LOC400499: variants seen among roughly 807,000 people sequenced by gnomAD.
chr16:11,379,815 TC>T, the LOC400499 span, among the ~76,000 whole-genome samples: 1 of 152,256 alleles, frequency 6.6e-6, no homozygotes, highest in Admixed American at 6.5e-5. Context: ...TTGTGTACGT[TC>T]TGTAGATATG....
At chr16:11,411,787 T>C in the LOC400499 span, among the ~76,000 whole-genome samples, 2 of 152,010 alleles carry the variant, frequency 1.3e-5, no homozygotes, top group East Asian at 3.9e-4. Flanking sequence ...GGGATCCTCC[T>C]CACATAGCAC....
chr16:11,398,619 G>A, the LOC400499 span: 7 of 850,360 alleles, frequency 8.2e-6, no homozygotes, highest in African/African-American at 1.7e-5. Context: ...GGAATGTGCC[G>A]TCAGAGCTCT....
the LOC400499 span, among the ~76,000 whole-genome samples, chr16:11,465,028 C>T: frequency 6.6e-6 from 1 of 152,220 alleles, no homozygotes; most frequent in Non-Finnish European, 1.5e-5. Context: ...TGCAGCAAGA[C>T]ATCCAGCTCC....
the LOC400499 span, among the ~76,000 whole-genome samples, chr16:11,432,936 G>A: frequency 0.031 from 4,737 of 152,278 alleles, 209 homozygotes; most frequent in African/African-American, 0.1. Flanking sequence ...ACTTTGAGCA[G>A]CTTCCCATTT....
At chr16:11,513,236 TCAA>T in the LOC400499 span, among the ~76,000 whole-genome samples, 88,945 of 150,618 alleles carry the variant, frequency 0.59, 26,697 homozygotes, top group Admixed American at 0.66. Flanking sequence ...AAACCCTGTC[TCAA>T]CAACAACAAC....
chr16:11,522,112 C>A, the LOC400499 span: 1 of 360,582 alleles, frequency 2.8e-6, no homozygotes, highest in Non-Finnish European at 4.6e-6. Context: ...CCCAGCTGAC[C>A]CTGAAGGGCA....
the LOC400499 span, chr16:11,399,304 G>A: frequency 2.3e-5 from 22 of 936,658 alleles, no homozygotes; most frequent in Non-Finnish European, 2.7e-5. Context: ...AGTTAGGAAG[G>A]GAACCATTTC....
At chr16:11,517,866 A>C in the LOC400499 span, among the ~76,000 whole-genome samples, 6 of 152,202 alleles carry the variant, frequency 3.9e-5, no homozygotes, top group African/African-American at 1.4e-4. Context: ...TCAAGATGAA[A>C]GGGAAACTGC....
chr16:11,512,681 G>C, the LOC400499 span, among the ~76,000 whole-genome samples: 97,944 of 152,156 alleles, frequency 0.64, 32,340 homozygotes, highest in Non-Finnish European at 0.72. Flanking sequence ...AACCACTGAA[G>C]TGTACACTTT....
the LOC400499 span, among the ~76,000 whole-genome samples, chr16:11,490,294 G>A: frequency 1.3e-5 from 2 of 151,596 alleles, no homozygotes; most frequent in Non-Finnish European, 2.9e-5. Context: ...TACTCAAGAG[G>A]CTGAGTCAGG....
At chr16:11,437,932 C>G in the LOC400499 span, among the ~76,000 whole-genome samples, 2 of 152,180 alleles carry the variant, frequency 1.3e-5, no homozygotes, top group African/African-American at 4.8e-5. Context: ...GCTTCCAGGG[C>G]AACCCACCCC....
chr16:11,384,771 CGAGGCCGGCA>C, the LOC400499 span: 27 of 926,748 alleles, frequency 2.9e-5, no homozygotes, highest in African/African-American at 3.4e-5. Context: ...ATGCTAGAGA[CGAGGCCGGCA>C]GAGGCTCTGC....
the LOC400499 span, chr16:11,383,617 G>C: frequency 8.1e-7 from 1 of 1,232,270 alleles, no homozygotes; most frequent in Non-Finnish European, 1.0e-6. Context: ...ACGGGGCAGA[G>C]TGCTAGATGG....
At chr16:11,431,769 C>T in the LOC400499 span, among the ~76,000 whole-genome samples, 1 of 152,122 alleles carries the variant, frequency 6.6e-6, no homozygotes, top group African/African-American at 2.4e-5. Context: ...TGTGTTTGCA[C>T]CTATGGCCAG....
the LOC400499 span, chr16:11,443,330 C>CAAAAAAAAA: frequency 3.1e-5 from 8 of 260,906 alleles, no homozygotes; most frequent in South Asian, 6.6e-5. Context: ...TCCTCAGTCT[C>CAAAAAAAAA]AAAAAAAAAA....
chr16:11,480,088 G>C, the LOC400499 span, among the ~76,000 whole-genome samples: 1 of 152,134 alleles, frequency 6.6e-6, no homozygotes, highest in Non-Finnish European at 1.5e-5. Context: ...TGCCACTTTA[G>C]CTGGGCCATG....
the LOC400499 span, among the ~76,000 whole-genome samples, chr16:11,373,167 G>A: frequency 6.6e-6 from 1 of 152,174 alleles, no homozygotes; most frequent in Admixed American, 6.5e-5. Context: ...CACTGTGTGG[G>A]TGAGATCTTC....
At chr16:11,451,345 C>T in the LOC400499 span, among the ~76,000 whole-genome samples, 1 of 152,124 alleles carries the variant, frequency 6.6e-6, no homozygotes. Flanking sequence ...TTTGGGAGGC[C>T]AAGGCAGGAG....
the LOC400499 span, among the ~76,000 whole-genome samples, chr16:11,452,205 GTT>G: frequency 7.9e-4 from 71 of 89,800 alleles, no homozygotes; most frequent in Non-Finnish European, 1.0e-3. Context: ...TTTTTTGTTT[GTT>G]TTTTTTTTTT....
Sources: allele counts gnomAD v4.1 joint callset (sites outside exome capture counted in the v4.1 genomes callset), GRCh38; gene constraint gnomAD v4.1.1; transcripts MANE v1.5.